SGCZ: variants seen among roughly 807,000 people sequenced by gnomAD.
The protein encoded by SGCZ is sarcoglycan zeta, also known as zeta-sarcoglycan.
A neutral mutation model predicts 41.3 loss-of-function variants in SGCZ; 40 were observed. The observed-to-expected ratio is 0.97, with a 90% CI of 0.75 to 1.26. SGCZ has a LOEUF of 1.26. Ranked by LOEUF, SGCZ falls within the 50% of genes most tolerant of loss-of-function variation. SGCZ has a pLI of 0.00. For synonymous variants in SGCZ, 206 were observed against 137.5 expected (o/e 1.50, Z -3.49); for missense variants, 552 against 369.8 (o/e 1.49, Z -4.04).
rs570285780 is a variant in SGCZ at position 14,513,313 on chromosome 8, C to T, written c.234+41419G>A. 2.6e-5 allele frequency among the ~76,000 whole-genome samples: 4 copies of T among 152,196 alleles called. 1 individual carries two copies. The South Asian group carries it at 8.3e-4, about 32-fold the overall frequency. On this transcript the variant is annotated intron_variant, in intron 2 of 7. Coordinates refer to ENST00000382080, the MANE Select transcript of SGCZ (RefSeq NM_139167.4). ...TTGGCCTCCCAAAGTGCTGGAATTA[C>T]AAGCATGAGCCACAGTGCCAAACCA...
intron 1 of SGCZ, among the ~76,000 whole-genome samples, chr8:14,807,276 G>T (rs1460891577): frequency 6.6e-6 from 1 of 152,118 alleles, no homozygotes; most frequent in Non-Finnish European, 1.5e-5. Context: ...ATTAGGAAAA[G>T]AGCAAGTCAA....
intron 1 of SGCZ, among the ~76,000 whole-genome samples, chr8:14,620,955 T>A (rs1437540965): frequency 6.6e-6 from 1 of 152,026 alleles, no homozygotes; most frequent in Non-Finnish European, 1.5e-5. Flanking sequence ...ACCCAAAGGA[T>A]TATAAATCAT....
chr8:14,757,905 C>A (rs59284518), intron 1 of SGCZ, among the ~76,000 whole-genome samples: 2 of 152,042 alleles, frequency 1.3e-5, no homozygotes, highest in Admixed American at 1.3e-4. Context: ...CTTATACTAA[C>A]GCCTTTAAAT....
chr8:14,670,579 C>A (rs1401462919), intron 1 of SGCZ, among the ~76,000 whole-genome samples: 1 of 152,138 alleles, frequency 6.6e-6, no homozygotes, highest in Non-Finnish European at 1.5e-5. Flanking sequence ...ATGAGCAGAT[C>A]TAATCTACAA....
At chr8:14,570,694 C>G (rs1804523848) in intron 1 of SGCZ, among the ~76,000 whole-genome samples, 1 of 152,016 alleles carries the variant, frequency 6.6e-6, no homozygotes, top group Non-Finnish European at 1.5e-5. Flanking sequence ...AAATGCATAC[C>G]TCCAGATTTT....
chr8:15,101,628 G>T (rs978855181), intron 1 of SGCZ, among the ~76,000 whole-genome samples: 15 of 152,092 alleles, frequency 9.9e-5, no homozygotes, highest in Admixed American at 2.0e-4. Context: ...CTGCTAGAGG[G>T]AATGAAAATT....
intron 1 of SGCZ, among the ~76,000 whole-genome samples, chr8:14,943,484 A>G (rs905792562): frequency 9.9e-5 from 15 of 152,166 alleles, no homozygotes; most frequent in African/African-American, 3.6e-4. Context: ...CTCCCTGCAC[A>G]GGCCAGCTGG....
intron 5 of SGCZ, among the ~76,000 whole-genome samples, chr8:14,144,176 A>T (rs1004101168): frequency 6.6e-6 from 1 of 152,196 alleles, no homozygotes; most frequent in Admixed American, 6.5e-5. Flanking sequence ...TAATACTGGC[A>T]TCATCCGTCC....
intron 2 of SGCZ, among the ~76,000 whole-genome samples, chr8:14,535,771 G>A (rs73531093): frequency 1.8e-3 from 267 of 151,924 alleles, no homozygotes; most frequent in African/African-American, 6.1e-3. Flanking sequence ...AACCATTTTG[G>A]AGAATGGATT....
chr8:14,570,402 C>T (rs1476238870), intron 1 of SGCZ, among the ~76,000 whole-genome samples: 1 of 152,108 alleles, frequency 6.6e-6, no homozygotes. Context: ...CAATACTCTT[C>T]TTGCTATTTA....
intron 1 of SGCZ, among the ~76,000 whole-genome samples, chr8:14,682,166 A>G: frequency 6.6e-6 from 1 of 152,246 alleles, no homozygotes; most frequent in South Asian, 2.1e-4. Flanking sequence ...AGAATAGCCG[A>G]TCAATTTGTT....
chr8:14,981,937 G>T (rs1358222843), intron 1 of SGCZ, among the ~76,000 whole-genome samples: 5 of 152,082 alleles, frequency 3.3e-5, no homozygotes, highest in African/African-American at 7.2e-5. Flanking sequence ...ATCATTGGAG[G>T]TCAGGAGTTC....
intron 2 of SGCZ, among the ~76,000 whole-genome samples, chr8:14,549,170 T>TA: frequency 6.6e-6 from 1 of 152,078 alleles, no homozygotes; most frequent in African/African-American, 2.4e-5. Flanking sequence ...TGTGTGTGTC[T>TA]AAAAAAGAAA....
chr8:15,150,178 G>T (rs1473875144), intron 1 of SGCZ, among the ~76,000 whole-genome samples: 3 of 152,098 alleles, frequency 2.0e-5, no homozygotes, highest in Admixed American at 6.5e-5. Context: ...TGAGGACTGT[G>T]TATTGCTTTA....
At chr8:15,067,578 T>C (rs961287230) in intron 1 of SGCZ, among the ~76,000 whole-genome samples, 3 of 152,186 alleles carry the variant, frequency 2.0e-5, no homozygotes, top group East Asian at 1.9e-4. Context: ...TTGCTATGCA[T>C]TGATGTTGCC....
At chr8:14,916,773 A>T (rs997711079) in intron 1 of SGCZ, among the ~76,000 whole-genome samples, 7 of 152,072 alleles carry the variant, frequency 4.6e-5, no homozygotes, top group Admixed American at 2.6e-4. Flanking sequence ...TATGCATCTA[A>T]GTGGAATTAA....
intron 1 of SGCZ, among the ~76,000 whole-genome samples, chr8:14,582,051 A>G (rs1212499407): frequency 6.6e-6 from 1 of 152,138 alleles, no homozygotes; most frequent in African/African-American, 2.4e-5. Flanking sequence ...ACTCAACGTG[A>G]TGATGAGCAT....
chr8:14,262,791 TCAAA>T (rs749181853), intron 3 of SGCZ, among the ~76,000 whole-genome samples: 165 of 148,080 alleles, frequency 1.1e-3, no homozygotes, highest in Non-Finnish European at 1.7e-3. Flanking sequence ...CAAATCCCAG[TCAAA>T]CAAAGTTTCA....
rs574504919 is a variant in SGCZ at position 14,171,222 on chromosome 8, A to G, written c.425-6520T>C. Among the ~76,000 whole-genome samples the G allele has an allele frequency of 1.7e-4, 25 of 147,776 alleles. No individual in the cohort carries two copies. In the South Asian group the frequency reaches 5.3e-3, roughly 31 times the overall value. On this transcript the variant is annotated intron_variant, in intron 4 of 7. Coordinates refer to ENST00000382080, the MANE Select transcript of SGCZ (RefSeq NM_139167.4). ...CATTTATCATCCCTGGTCTTCGGCT[A>G]CATTTTGACACATGTATCAGGGTAG...
Sources: allele counts gnomAD v4.1 joint callset (sites outside exome capture counted in the v4.1 genomes callset), GRCh38; gene constraint gnomAD v4.1.1; transcripts MANE v1.5; gene names NCBI Gene and HGNC (gene_info 2026-07-23, HGNC 2026-07-21).